The following NXPH2 variants were observed in gnomAD, a reference collection of about 807,000 sequenced individuals.
NXPH2 encodes the protein neurexophilin 2, also known as neurexophilin-2.
NXPH2 carries 5 observed loss-of-function variants against 19.8 expected under a neutral mutation model. The observed-to-expected ratio is 0.25, with a 90% CI of 0.13 to 0.53. NXPH2 has a LOEUF of 0.53. Among genes scored for constraint, NXPH2 ranks in the 20% least tolerant of loss-of-function variants. The pLI, the probability that NXPH2 is intolerant of heterozygous loss-of-function variation, is 0.96. For missense variants in NXPH2, 289 were observed against 322.8 expected (o/e 0.90, Z 0.80); for synonymous variants, 154 against 127.4 (o/e 1.21, Z -1.41).
At chr2:138,776,191 T>C (rs574988441) in intron 1 of NXPH2, among the ~76,000 whole-genome samples, 3 of 152,044 alleles carry the variant, frequency 2.0e-5, no homozygotes, top group Non-Finnish European at 4.4e-5. Flanking sequence ...CTTAATACAT[T>C]TGATTGGCAA....
chr2:138,752,694 C>A (rs1167440757), intron 1 of NXPH2, among the ~76,000 whole-genome samples: 1 of 152,130 alleles, frequency 6.6e-6, no homozygotes, highest in African/African-American at 2.4e-5. Flanking sequence ...GGGATCCCAT[C>A]CAGGTACGCA....
At chr2:138,686,148 G>T in intron 1 of NXPH2, among the ~76,000 whole-genome samples, 1 of 152,172 alleles carries the variant, frequency 6.6e-6, no homozygotes, top group East Asian at 1.9e-4. Context: ...CAGTCAACCA[G>T]GAAATATAAT....
intron 1 of NXPH2, among the ~76,000 whole-genome samples, chr2:138,723,730 T>C (rs1317262913): frequency 1.3e-5 from 2 of 152,146 alleles, no homozygotes; most frequent in Non-Finnish European, 2.9e-5. Context: ...TCAGAGGTGG[T>C]GCTGGAGAGA....
At chr2:138,672,003 A>T (rs74406021) in intron 1 of NXPH2, among the ~76,000 whole-genome samples, 2 of 152,230 alleles carry the variant, frequency 1.3e-5, no homozygotes, top group East Asian at 3.8e-4. Flanking sequence ...TGATATAATC[A>T]TTAAATTGTC....
At chr2:138,780,068 CCG>C (rs1402963379) in intron 1 of NXPH2, 121 bp downstream of exon 1, 2 of 968,986 alleles carry the variant, frequency 2.1e-6, no homozygotes, top group Non-Finnish European at 1.4e-6. Flanking sequence ...TCCTTGCCCT[CCG>C]CGCGCCCCCA....
At chr2:138,693,236 C>T (rs1281642455) in intron 1 of NXPH2, among the ~76,000 whole-genome samples, 1 of 152,146 alleles carries the variant, frequency 6.6e-6, no homozygotes, top group African/African-American at 2.4e-5. Context: ...CTGCTGATCC[C>T]CCATTTCCTT....
At chr2:138,709,117 T>A (rs1681059541) in intron 1 of NXPH2, among the ~76,000 whole-genome samples, 1 of 152,076 alleles carries the variant, frequency 6.6e-6, no homozygotes. Flanking sequence ...ACGAGGAAGC[T>A]ATTTAGGTCC....
chr2:138,737,416 C>G (rs1441519641), intron 1 of NXPH2, among the ~76,000 whole-genome samples: 1 of 152,142 alleles, frequency 6.6e-6, no homozygotes, highest in Non-Finnish European at 1.5e-5. Context: ...GACTTATTCA[C>G]TATCATGAGA....
intron 1 of NXPH2, among the ~76,000 whole-genome samples, chr2:138,698,619 C>G (rs1332196097): frequency 6.6e-6 from 1 of 152,058 alleles, no homozygotes; most frequent in Non-Finnish European, 1.5e-5. Flanking sequence ...CTGTGGGAGG[C>G]CAAGGCGGGA....
intron 1 of NXPH2, among the ~76,000 whole-genome samples, chr2:138,751,354 T>C (rs1350781592): frequency 6.6e-6 from 1 of 152,130 alleles, no homozygotes; most frequent in Non-Finnish European, 1.5e-5. Context: ...GTCTAATATA[T>C]CCTCAACTTA....
At chr2:138,675,414 T>C (rs1486349316) in intron 1 of NXPH2, among the ~76,000 whole-genome samples, 1 of 152,158 alleles carries the variant, frequency 6.6e-6, no homozygotes, top group Admixed American at 6.5e-5. Flanking sequence ...TAGCTGATCT[T>C]GGTGCACTTT....
chr2:138,686,171 C>T (rs1680647383), intron 1 of NXPH2, among the ~76,000 whole-genome samples: 1 of 152,126 alleles, frequency 6.6e-6, no homozygotes, highest in Non-Finnish European at 1.5e-5. Flanking sequence ...AAATGAGGGG[C>T]GTCTTTCCTG....
chr2:138,699,253 G>A (rs1680879322), intron 1 of NXPH2, among the ~76,000 whole-genome samples: 1 of 152,010 alleles, frequency 6.6e-6, no homozygotes, highest in South Asian at 2.1e-4. Flanking sequence ...CTTAATCTTT[G>A]GGGAGCAGAA....
At chr2:138,706,934 A>C (rs1209102941) in intron 1 of NXPH2, among the ~76,000 whole-genome samples, 1 of 151,722 alleles carries the variant, frequency 6.6e-6, no homozygotes, top group Non-Finnish European at 1.5e-5. Flanking sequence ...AAAAAAAGTT[A>C]AGGTGAATGC....
intron 1 of NXPH2, among the ~76,000 whole-genome samples, chr2:138,739,207 C>T (rs892059521): frequency 1.3e-5 from 2 of 152,162 alleles, no homozygotes; most frequent in African/African-American, 4.8e-5. Context: ...ATGTGCTTTT[C>T]ATTCAACCAA....
chr2:138,735,599 G>T (rs1681527517), intron 1 of NXPH2, among the ~76,000 whole-genome samples: 1 of 152,118 alleles, frequency 6.6e-6, no homozygotes, highest in Non-Finnish European at 1.5e-5. Context: ...TTTGGGAAGG[G>T]ACACAGCCAA....
At chr2:138,751,144 C>T (rs1370690121) in intron 1 of NXPH2, among the ~76,000 whole-genome samples, 1 of 151,072 alleles carries the variant, frequency 6.6e-6, no homozygotes, top group Admixed American at 6.7e-5. Flanking sequence ...AATATATGCT[C>T]ATGAGAGCAA....
At chr2:138,681,564 C>T (rs779273834) in intron 1 of NXPH2, among the ~76,000 whole-genome samples, 1 of 152,128 alleles carries the variant, frequency 6.6e-6, no homozygotes, top group Admixed American at 6.5e-5. Context: ...AATATGTAGT[C>T]CTCTACTTAT....
chr2:138,709,629 G>A (rs1011422128), intron 1 of NXPH2, among the ~76,000 whole-genome samples: 6 of 152,076 alleles, frequency 3.9e-5, no homozygotes, highest in Non-Finnish European at 7.4e-5. Flanking sequence ...CATTATAGGA[G>A]CATACTAAAT....
Sources: allele counts gnomAD v4.1 joint callset (sites outside exome capture counted in the v4.1 genomes callset), GRCh38; gene constraint gnomAD v4.1.1; transcripts MANE v1.5; gene names NCBI Gene and HGNC (gene_info 2026-07-23, HGNC 2026-07-21).